The following VPS54 variants were observed in gnomAD, a reference collection of about 807,000 sequenced individuals.
VPS54 encodes the protein vacuolar protein sorting-associated protein 54.
A neutral mutation model predicts 121.5 loss-of-function variants in VPS54; 45 were observed. The ratio of observed to expected loss-of-function variants is 0.37; its 90% confidence interval spans 0.29 to 0.47. VPS54 has a LOEUF of 0.47. Ranked by LOEUF, VPS54 falls within the 20% of genes least tolerant of loss-of-function variation. The probability of loss-of-function intolerance (pLI) is 0.99; values close to 1 mark genes in which losing one functional copy is unlikely to be tolerated. For synonymous variants in VPS54, 371 were observed against 385.8 expected (o/e 0.96, Z 0.45); for missense variants, 1,090 against 1,131.4 (o/e 0.96, Z 0.52).
At position 63,913,037 on chromosome 2, in the gene VPS54, G is replaced by A. The variant is rs530931990; in HGVS notation, c.2422+186C>T. Among the ~76,000 whole-genome samples, 23 of 152,132 alleles carry A rather than the reference G, an allele frequency of 1.5e-4. No individual in the cohort carries two copies. In the South Asian group the frequency reaches 4.8e-3, roughly 32 times the overall value. ...CTTATACTTGGAGGGGAAATGCATC[G>A]TAACCTTTTCCCCATGGTTAGTTTT... On this transcript the variant is annotated intron_variant, in intron 18 of 22. Coordinates refer to ENST00000272322, the MANE Select transcript of VPS54 (RefSeq NM_016516.3).
At position 63,944,597 on chromosome 2, in the gene VPS54, T is replaced by C. The variant is rs1674890937; in HGVS notation, c.1301+3A>G. The C allele has an allele frequency of 6.2e-7, 1 of 1,607,546 alleles. No individual in the cohort carries two copies. ...AACCACCAACCTATATATTTATACT[T>C]ACTTCACAACAACATCTGTGTCTAT... is the stretch of plus-strand genomic sequence containing the variant. On this transcript the variant is annotated splice_donor_region_variant and intron_variant, in intron 10 of 22. Coordinates refer to ENST00000272322, the MANE Select transcript of VPS54 (RefSeq NM_016516.3).
intron 1 of VPS54, among the ~76,000 whole-genome samples, chr2:64,017,098 C>T (rs1400762382): frequency 2.0e-5 from 3 of 147,858 alleles, no homozygotes; most frequent in African/African-American, 5.0e-5. Context: ...TCCCAGCACT[C>T]TGGGAGGCCG....
chr2:63,951,924 T>C (rs1337289350), intron 7 of VPS54, among the ~76,000 whole-genome samples: 1 of 152,222 alleles, frequency 6.6e-6, no homozygotes, highest in Non-Finnish European at 1.5e-5. Flanking sequence ...GGTACATTTA[T>C]GATTGTTTTC....
intron 11 of VPS54, among the ~76,000 whole-genome samples, chr2:63,937,842 A>G (rs886695930): frequency 6.6e-6 from 1 of 152,172 alleles, no homozygotes; most frequent in African/African-American, 2.4e-5. Flanking sequence ...GGAAATTCTA[A>G]CATGCTACAA....
intron 1 of VPS54, among the ~76,000 whole-genome samples, chr2:64,017,466 A>AT (rs1441315418): frequency 6.6e-6 from 1 of 152,240 alleles, no homozygotes; most frequent in African/African-American, 2.4e-5. Context: ...CCAGAAATCA[A>AT]TTTTAACTTT....
intron 2 of VPS54, among the ~76,000 whole-genome samples, chr2:63,982,126 T>C (rs1046989630): frequency 6.6e-6 from 1 of 152,148 alleles, no homozygotes; most frequent in African/African-American, 2.4e-5. Context: ...AGAACTACGA[T>C]TGCAGGGTGG....
intron 1 of VPS54, among the ~76,000 whole-genome samples, chr2:64,014,920 T>G (rs1230194754): frequency 6.6e-6 from 1 of 152,130 alleles, no homozygotes; most frequent in Non-Finnish European, 1.5e-5. Flanking sequence ...CAAATTAAGC[T>G]TGTTAAAAAC....
chr2:63,931,736 A>G (rs891666454), intron 12 of VPS54, among the ~76,000 whole-genome samples: 1 of 152,242 alleles, frequency 6.6e-6, no homozygotes, highest in Non-Finnish European at 1.5e-5. Context: ...GAATGGGAGA[A>G]AATTTTTGCA....
At chr2:63,972,356 T>TA in intron 3 of VPS54, 112 bp from the exon 4 acceptor site, 1 of 663,758 alleles carries the variant, frequency 1.5e-6, no homozygotes, top group Non-Finnish European at 2.4e-6. Flanking sequence ...CTACGACTTT[T>TA]AATATGAAAT....
chr2:63,975,861 A>C (rs1235016807), intron 3 of VPS54, among the ~76,000 whole-genome samples: 1 of 152,146 alleles, frequency 6.6e-6, no homozygotes, highest in Non-Finnish European at 1.5e-5. Context: ...AGGTGAACCC[A>C]TTGGCAATTA....
At chr2:63,923,133 G>A (rs1486988582) in intron 12 of VPS54, among the ~76,000 whole-genome samples, 2 of 151,922 alleles carry the variant, frequency 1.3e-5, no homozygotes, top group Non-Finnish European at 2.9e-5. Context: ...CTAACACATG[G>A]TGAAACCCCG....
chr2:63,984,078 C>CAT, intron 1 of VPS54, 59 bp from the exon 2 acceptor site: 1 of 1,363,082 alleles, frequency 7.3e-7, no homozygotes, highest in Non-Finnish European at 9.6e-7. Context: ...AAGTATTATA[C>CAT]ATGTCACAAA....
chr2:63,988,813 ACAGG>A (rs1677177014), intron 1 of VPS54, among the ~76,000 whole-genome samples: 1 of 152,216 alleles, frequency 6.6e-6, no homozygotes, highest in Non-Finnish European at 1.5e-5. Context: ...GAAAAAAAGA[ACAGG>A]CAGGATAACA....
intron 1 of VPS54, among the ~76,000 whole-genome samples, chr2:63,989,884 G>C (rs1010471121): frequency 2.6e-5 from 4 of 152,170 alleles, no homozygotes; most frequent in Non-Finnish European, 5.9e-5. Flanking sequence ...AACAGGGAAG[G>C]GTCCGAGTAA....
At chr2:63,896,937 G>A (rs1231821025) in intron 22 of VPS54, among the ~76,000 whole-genome samples, 3 of 152,090 alleles carry the variant, frequency 2.0e-5, no homozygotes, top group Non-Finnish European at 2.9e-5. Flanking sequence ...TTTGCCCAAA[G>A]TTACAACAGC....
At chr2:64,015,056 A>G (rs541898239) in intron 1 of VPS54, among the ~76,000 whole-genome samples, 3 of 152,310 alleles carry the variant, frequency 2.0e-5, no homozygotes, top group East Asian at 1.9e-4. Context: ...CATATATAAC[A>G]TAAGTGTTAT....
rs760818781 is a variant in VPS54, at chr2:63,893,346, A to C, written c.*84T>G. 3 of 1,228,302 alleles carry C rather than the reference A, an allele frequency of 2.4e-6. No homozygotes were observed. Among genetic ancestry groups the C allele is most frequent in the South Asian group, 2.4e-5 (2 of 83,240 alleles). 76.1% of individuals were successfully genotyped at this position (1,228,302 alleles called of 1,614,324 possible). A position where few individuals can be genotyped will look rare whatever the true frequency, so the allele number is the denominator to read the frequency against. ...CAGTTCACTTTGGGTTTCAGGTTCA[A>C]TTCTCGAATCACAGGCATCCAGATT... is the stretch of plus-strand genomic sequence containing the variant. On this transcript the variant is annotated 3_prime_UTR_variant, in exon 23 of 23. Transcript: ENST00000272322.
intron 22 of VPS54, among the ~76,000 whole-genome samples, chr2:63,894,813 G>A (rs1014777178): frequency 6.6e-6 from 1 of 152,036 alleles, no homozygotes; most frequent in African/African-American, 2.4e-5. Flanking sequence ...AAAGCAAGCT[G>A]CATATATGCA....
At chr2:63,933,590 A>T in intron 12 of VPS54, 83 bp downstream of exon 12, 4 of 1,279,146 alleles carry the variant, frequency 3.1e-6, no homozygotes, top group Non-Finnish European at 4.3e-6. Context: ...TGGTTTTTCA[A>T]TAAACTGAAT....
Sources: allele counts gnomAD v4.1 joint callset (sites outside exome capture counted in the v4.1 genomes callset), GRCh38; gene constraint gnomAD v4.1.1; transcripts MANE v1.5; gene names NCBI Gene and HGNC (gene_info 2026-07-23, HGNC 2026-07-21).